The following LY75 variants were observed in gnomAD, a reference collection of about 807,000 sequenced individuals.
LY75 encodes lymphocyte antigen 75, also known as C-type lectin domain family 13 member B.
A neutral mutation model predicts 231.7 loss-of-function variants in LY75; 185 were observed. The observed-to-expected ratio is 0.80, with a 90% CI of 0.71 to 0.90. LY75 has a LOEUF of 0.90. Ranked by LOEUF, LY75 falls within the 40% of genes least tolerant of loss-of-function variation. The pLI is 0.00. For synonymous variants in LY75, 668 were observed against 689.0 expected, an observed-to-expected ratio of 0.97 and a Z score of 0.48; for missense variants, 1,947 against 2,050.2, an observed-to-expected ratio of 0.95 and a Z score of 0.97.
chr2:159,845,701 AT>A (rs78221217), intron 23 of LY75, among the ~76,000 whole-genome samples: 7,145 of 150,868 alleles, frequency 0.047, 521 homozygotes, highest in African/African-American at 0.16. Context: ...AGGTTAAAAA[AT>A]TTTTTTTCTC....
intron 25 of LY75, among the ~76,000 whole-genome samples, chr2:159,839,183 T>C (rs922613936): frequency 2.2e-4 from 33 of 152,236 alleles, no homozygotes; most frequent in African/African-American, 7.5e-4. Context: ...GAGCTTTTGA[T>C]AACAATTCTT....
intron 2 of LY75, among the ~76,000 whole-genome samples, chr2:159,895,381 A>AC (rs1685882977): frequency 6.6e-6 from 1 of 151,994 alleles, no homozygotes; most frequent in Non-Finnish European, 1.5e-5. Context: ...CCGCATCAAA[A>AC]CCCCCCAATA....
chr2:159,843,213 G>A (rs1471762706), intron 23 of LY75, among the ~76,000 whole-genome samples: 1 of 151,950 alleles, frequency 6.6e-6, no homozygotes, highest in Non-Finnish European at 1.5e-5. Context: ...TATAACACAG[G>A]TCAAGCAATA....
intron 2 of LY75, 40 bp downstream of exon 2, chr2:159,898,648 C>T: frequency 1.3e-6 from 2 of 1,576,408 alleles, no homozygotes; most frequent in South Asian, 2.3e-5. Context: ...ATGTGACAAG[C>T]ACAACAGCAA....
intron 14 of LY75, among the ~76,000 whole-genome samples, chr2:159,863,630 A>G (rs893454093): frequency 3.3e-5 from 5 of 152,090 alleles, no homozygotes; most frequent in African/African-American, 1.2e-4. Flanking sequence ...TCATTTGGCC[A>G]TTTTAAAATC....
At chr2:159,862,881 C>T (rs1684756080) in intron 14 of LY75, among the ~76,000 whole-genome samples, 1 of 152,056 alleles carries the variant, frequency 6.6e-6, no homozygotes, top group East Asian at 1.9e-4. Context: ...ACTTGTTGTA[C>T]AATAGATCTC....
chr2:159,881,611 C>G (rs1210654818), intron 7 of LY75, among the ~76,000 whole-genome samples: 1 of 152,120 alleles, frequency 6.6e-6, no homozygotes, highest in African/African-American at 2.4e-5. Context: ...ACAAGGAGCA[C>G]CAGGCTGGCA....
At chr2:159,878,534 T>A (rs1408911157) in intron 10 of LY75, 41 bp from the exon 11 acceptor site, 2 of 1,612,548 alleles carry the variant, frequency 1.2e-6, no homozygotes, top group Non-Finnish European at 1.7e-6. Context: ...TTCACAATGA[T>A]TGACTCTATT....
chr2:159,819,926 G>C lies in LY75; in HGVS notation c.3959-6C>G. 6.7e-7 allele frequency: 1 copy of C among 1,494,522 alleles called. No homozygotes were observed. The highest frequency in any genetic ancestry group is 8.9e-7 in the Non-Finnish European group (1 of 1,127,754). 92.6% of individuals were successfully genotyped at this position (1,494,522 alleles called of 1,614,324 possible). Reference sequence around the variant, plus strand: ...AAACCACATAAGAGACTTATCTAGAGAAGAAACATTTTTTCCTATGCTTAG... The same window carrying C: ...AAACCACATAAGAGACTTATCTAGACAAGAAACATTTTTTCCTATGCTTAG... On this transcript the variant is annotated splice_polypyrimidine_tract_variant and splice_region_variant and intron_variant, in intron 28 of 34. Transcript: ENST00000263636.
intron 27 of LY75, among the ~76,000 whole-genome samples, chr2:159,832,459 C>G (rs1560071655): frequency 6.6e-6 from 1 of 152,184 alleles, no homozygotes; most frequent in Non-Finnish European, 1.5e-5. Context: ...ATCCACCCCT[C>G]CCTGTCAGTG....
At position 159,899,002 on chromosome 2, in the gene LY75, T is replaced by C. The variant is rs1471421774; in HGVS notation, c.152A>G (p.Tyr51Cys). ...GNTGKCIKPV[Y>C]GWIVADDCDE... ...ACAGTCGTCTGCTACTATCCAGCCA[T>C]ACACTGGCTTGATGCACTTGCCCGT... Residue 51 changes from tyrosine to cysteine, a missense_variant, in exon 2 of 35, where the codon TAT (tyrosine) becomes TGT (cysteine). Coordinates refer to ENST00000263636, the MANE Select transcript of LY75 (RefSeq NM_002349.4). 3 of 1,614,228 alleles carry C rather than the reference T, an allele frequency of 1.9e-6. No homozygotes were observed. The highest frequency in any genetic ancestry group is 1.1e-5 in the South Asian group (1 of 91,088).
Position 159,819,831 on chromosome 2 carries a change from C to A in LY75, c.4048G>T (p.Ala1350Ser), listed in dbSNP as rs1297540090. 70 of 1,613,920 alleles carry A rather than the reference C, an allele frequency of 4.3e-5. No individual in the cohort carries two copies. Among genetic ancestry groups the A allele is most frequent in the Non-Finnish European group, 5.7e-5 (67 of 1,179,980 alleles). The change falls in exon 29 of 35, where the codon GCT becomes TCT. Residue 1350 changes from alanine (A) to serine (S), a missense_variant. Coordinates refer to ENST00000263636, the MANE Select transcript of LY75 (RefSeq NM_002349.4). ...RPTIKNEKFL[A>S]GLSTDGFWDI... ...CAGAAGCCGTCAGTACTTAAACCAG[C>A]CAAAAACTTCTCATTTTTTATAGTT...
intron 2 of LY75, among the ~76,000 whole-genome samples, chr2:159,898,111 CTTTTT>C (rs150725822): frequency 0.013 from 1,903 of 152,108 alleles, 24 homozygotes; most frequent in Middle Eastern, 0.027. Context: ...TCCTTCTTTT[CTTTTT>C]TAAGGATGGG....
chr2:159,827,461 G>T (rs1194433278), intron 28 of LY75, among the ~76,000 whole-genome samples: 1 of 152,208 alleles, frequency 6.6e-6, no homozygotes, highest in African/African-American at 2.4e-5. Flanking sequence ...AGGAACAACA[G>T]GTGCTGGAGA....
At chr2:159,807,516 TA>T (rs2125826092) in intron 33 of LY75, among the ~76,000 whole-genome samples, 1 of 152,280 alleles carries the variant, frequency 6.6e-6, no homozygotes, top group Non-Finnish European at 1.5e-5. Flanking sequence ...ACTCTAATTG[TA>T]AAAAGTCATA....
In LY75 at chr2:159,878,377, A is replaced by G; in HGVS notation, c.1721T>C (p.Val574Ala). 37 of 1,614,150 alleles carry G rather than the reference A, an allele frequency of 2.3e-5. No homozygotes were observed. The highest frequency in any genetic ancestry group is 3.1e-5 in the Non-Finnish European group (36 of 1,180,002). The change falls in exon 11 of 35, where the codon GTT (valine) becomes GCT (alanine). Residue 574 changes from valine to alanine, a missense_variant. Transcript: ENST00000263636. Reference sequence around the variant, plus strand: ...GGTTACAGCCCGCCTTCTTCCACCAACAGTTGCCCAGTTATACTCTCCACA... The same window carrying G: ...GGTTACAGCCCGCCTTCTTCCACCAGCAGTTGCCCAGTTATACTCTCCACA... ...DSCGEYNWATVGGRRRAVTFS... is the reference protein window; with the variant it reads ...DSCGEYNWATAGGRRRAVTFS...
chr2:159,852,106 G>A lies in LY75; in HGVS notation c.2883+95C>T, dbSNP rs1047051530. On this transcript the variant is annotated intron_variant, in intron 21 of 34. Transcript: ENST00000263636. Reference sequence around the variant, plus strand: ...CCTGAAACATGCAGAGTCTATTTCAGTGATGTTGTCACTAATGGGTTGCCA... The same window carrying A: ...CCTGAAACATGCAGAGTCTATTTCAATGATGTTGTCACTAATGGGTTGCCA... 48 of 1,503,658 alleles carry A rather than the reference G, an allele frequency of 3.2e-5. No homozygotes were observed. In the Middle Eastern group the frequency reaches 1.1e-3, roughly 34 times the overall value. The allele number at this position is 1,503,658 out of a possible 1,614,324, so 93.1% of individuals were successfully genotyped here.
chr2:159,853,628 A>G lies in LY75; in HGVS notation c.2663+2T>C. On this transcript the variant is annotated splice_donor_variant, in intron 19 of 34. Transcript: ENST00000263636. LOFTEE classifies it high-confidence loss of function. ...AAAGGTAGAATCAATGATGTCACCT[A>G]CTATGTAAAATGATCATCTATTGGC... The G allele has an allele frequency of 6.2e-7, 1 of 1,613,468 alleles. No homozygotes were observed. Among genetic ancestry groups the G allele is most frequent in the Non-Finnish European group, 8.5e-7 (1 of 1,179,802 alleles).
intron 26 of LY75, among the ~76,000 whole-genome samples, chr2:159,834,642 G>A (rs1030215715): frequency 1.3e-5 from 2 of 152,124 alleles, no homozygotes; most frequent in South Asian, 4.1e-4. Context: ...AAACATTGAT[G>A]TTCTAAATAA....
Sources: allele counts gnomAD v4.1 joint callset (sites outside exome capture counted in the v4.1 genomes callset), GRCh38; gene constraint gnomAD v4.1.1; transcripts MANE v1.5; gene names NCBI Gene and HGNC (gene_info 2026-07-23, HGNC 2026-07-21).